The following FAM117B variants were observed in gnomAD, a reference collection of about 807,000 sequenced individuals.
FAM117B encodes family with sequence similarity 117 member B.
Under a neutral mutation model 52.8 loss-of-function variants are expected in FAM117B, and 22 were observed. The ratio of observed to expected loss-of-function variants is 0.42; its 90% CI spans 0.30 to 0.59. FAM117B has a LOEUF of 0.59. Ranked by LOEUF, FAM117B falls within the 20% of genes least tolerant of loss-of-function variation. The probability of loss-of-function intolerance (pLI) is 0.22; values close to 1 mark genes in which losing one functional copy is unlikely to be tolerated. For missense variants in FAM117B, 678 were observed against 802.6 expected, an observed-to-expected ratio of 0.84 and a Z score of 1.88; for synonymous variants, 309 against 324.1, an observed-to-expected ratio of 0.95 and a Z score of 0.50.
intron 4 of FAM117B, among the ~76,000 whole-genome samples, chr2:202,738,626 G>C (rs867540000): frequency 1.7e-4 from 26 of 152,130 alleles, no homozygotes; most frequent in African/African-American, 6.0e-4. Context: ...TCACTGTATA[G>C]GGATAACTTT....
At chr2:202,727,573 A>G (rs188756808) in intron 4 of FAM117B, among the ~76,000 whole-genome samples, 3 of 152,302 alleles carry the variant, frequency 2.0e-5, no homozygotes, top group East Asian at 1.9e-4. Flanking sequence ...AACTATTTAC[A>G]TAGTATTTAC....
chr2:202,646,613 A>G (rs1165328403), intron 1 of FAM117B, among the ~76,000 whole-genome samples: 1 of 152,120 alleles, frequency 6.6e-6, no homozygotes, highest in Non-Finnish European at 1.5e-5. Context: ...GAACCCAGGC[A>G]TTTGTCACCA....
chr2:202,681,297 T>C (rs917393140), intron 1 of FAM117B, among the ~76,000 whole-genome samples: 10 of 152,104 alleles, frequency 6.6e-5, no homozygotes. Context: ...AGCAAGATGA[T>C]AGGTTGGTAT....
chr2:202,741,028 G>A (rs1691526066), intron 4 of FAM117B, among the ~76,000 whole-genome samples: 1 of 152,118 alleles, frequency 6.6e-6, no homozygotes, highest in Non-Finnish European at 1.5e-5. Context: ...ACTAGGATGA[G>A]GAACAAGGCA....
At chr2:202,660,957 A>C (rs1690118942) in intron 1 of FAM117B, among the ~76,000 whole-genome samples, 1 of 152,230 alleles carries the variant, frequency 6.6e-6, no homozygotes, top group Non-Finnish European at 1.5e-5. Flanking sequence ...GATTCCACCC[A>C]TAGCCTTCAT....
At position 202,757,280 on chromosome 2, in the gene FAM117B, G is replaced by A. The variant is rs746181808; in HGVS notation, c.1172G>A (p.Ser391Asn). The change falls in exon 6 of 8, where the codon AGC becomes AAC. Residue 391 changes from serine to asparagine, a missense_variant. Ser to Asn is a conservative substitution (Grantham distance 46). Coordinates refer to ENST00000392238, the MANE Select transcript of FAM117B (RefSeq NM_173511.4). Reference protein sequence around the residue: ...PLVQRSSSTRSIDTQTPGGAD... With the variant: ...PLVQRSSSTRNIDTQTPGGAD... ...GTACAGAGAAGTAGCAGCACGCGCA[G>A]CATTGACACACAGACGCCTGGTGGG... The A allele has an allele frequency of 3.7e-5, 60 of 1,613,996 alleles. No homozygotes were observed. In the East Asian group the frequency reaches 1.3e-3, roughly 34 times the overall value.
At position 202,729,831 on chromosome 2, in the gene FAM117B, T is replaced by C. The variant is rs181659686; in HGVS notation, c.960+3468T>C. ...TAGCAGCCAAACCTGAAAGTCTCCA[T>C]GTTCACTTATTAAGACATTTAGACT... is the stretch of plus-strand genomic sequence containing the variant. On this transcript the variant is annotated intron_variant, in intron 4 of 7. Transcript: ENST00000392238. Among the ~76,000 whole-genome samples the C allele has an allele frequency of 4.2e-4, 64 of 152,308 alleles. No individual in the cohort carries two copies. In the Middle Eastern group the frequency reaches 0.014, roughly 32 times the overall value.
chr2:202,667,900 T>C (rs1000403908), intron 1 of FAM117B, among the ~76,000 whole-genome samples: 1 of 151,548 alleles, frequency 6.6e-6, no homozygotes. Context: ...GTGATAATAG[T>C]GAGGATAGTA....
intron 1 of FAM117B, among the ~76,000 whole-genome samples, chr2:202,689,548 C>G (rs780737668): frequency 4.6e-5 from 7 of 152,158 alleles, no homozygotes; most frequent in Non-Finnish European, 8.8e-5. Flanking sequence ...AAAAATTTCT[C>G]TCCTTTCTGA....
chr2:202,635,674 G>T lies in FAM117B; in HGVS notation c.487G>T (p.Gly163Cys). 1 of 1,396,098 alleles carries T rather than the reference G, an allele frequency of 7.2e-7. No homozygotes were observed. Among genetic ancestry groups the T allele is most frequent in the South Asian group, 1.5e-5 (1 of 66,928 alleles). The allele number at this position is 1,396,098 out of a possible 1,614,324, so 86.5% of individuals were successfully genotyped here. A position where few individuals can be genotyped will look rare whatever the true frequency, so the allele number is the denominator to read the frequency against. Residue 163 changes from glycine (G) to cysteine (C), a missense_variant, in exon 1 of 8, where the codon GGC (glycine) becomes TGC (cysteine). By Grantham distance (159) the Gly-to-Cys change is radical. Transcript: ENST00000392238. ...CTCGTCGCCCACCCACCTGTGGACC[G>T]GCGAGGTGAGCGCGGCCCCACCCCC... The part of the protein sequence containing the change: ...PSSSPTHLWT[G>C]EVSAAPPPAR...
chr2:202,765,990 C>A lies in FAM117B; in HGVS notation c.*226C>A, dbSNP rs1381723803. The A allele has an allele frequency of 5.6e-6, 3 of 531,204 alleles. No individual in the cohort carries two copies. The highest frequency in any genetic ancestry group is 6.7e-5 in the Admixed American group (2 of 29,952). 32.9% of individuals were successfully genotyped at this position (531,204 alleles called of 1,614,324 possible). A position where few individuals can be genotyped will look rare whatever the true frequency, so the allele number is the denominator to read the frequency against. On this transcript the variant is annotated 3_prime_UTR_variant, in exon 8 of 8. Transcript: ENST00000392238. ...CTTTTTATCAAAGCACTGATTGAAA[C>A]AAGAAAGGTCTCATTCTTTACCTTT...
At chr2:202,721,613 A>G (rs759476863) in intron 2 of FAM117B, among the ~76,000 whole-genome samples, 2 of 152,076 alleles carry the variant, frequency 1.3e-5, no homozygotes, top group African/African-American at 4.8e-5. Flanking sequence ...TAATTACCTT[A>G]TAATTTTAGT....
chr2:202,679,465 A>G (rs950987858), intron 1 of FAM117B, among the ~76,000 whole-genome samples: 2 of 152,236 alleles, frequency 1.3e-5, no homozygotes, highest in South Asian at 2.1e-4. Context: ...CTGAAGGAAT[A>G]TATAGAATGT....
At position 202,726,232 on chromosome 2, in the gene FAM117B, C is replaced by T. The variant is rs775779695; in HGVS notation, c.847-18C>T. 3.4e-5 allele frequency: 54 copies of T among 1,575,010 alleles called. No individual in the cohort carries two copies. The highest frequency in any genetic ancestry group is 4.4e-5 in the Non-Finnish European group (51 of 1,146,142). The stretch of plus-strand genomic sequence containing the variant: ...TGTAGAAAACACTCTGGTGTACTTG[C>T]TATTTTTGCTTTCTCAGATTGCAAA... On this transcript the variant is annotated intron_variant, in intron 3 of 7. Coordinates refer to ENST00000392238, the MANE Select transcript of FAM117B (RefSeq NM_173511.4).
intron 4 of FAM117B, among the ~76,000 whole-genome samples, chr2:202,736,358 A>AGTG (rs1691437224): frequency 1.3e-5 from 2 of 152,048 alleles, no homozygotes; most frequent in Admixed American, 6.5e-5. Flanking sequence ...ATGAAGTAAC[A>AGTG]GTGACAGGAT....
chr2:202,684,992 T>A (rs577559941), intron 1 of FAM117B, among the ~76,000 whole-genome samples: 5 of 150,796 alleles, frequency 3.3e-5, no homozygotes, highest in African/African-American at 1.2e-4. Context: ...CAAAAAAAAT[T>A]TTTTTTTTTT....
intron 4 of FAM117B, among the ~76,000 whole-genome samples, chr2:202,729,095 T>TG (rs1691300649): frequency 6.6e-6 from 1 of 152,218 alleles, no homozygotes; most frequent in Admixed American, 6.5e-5. Context: ...CCCAGCATTT[T>TG]GGAAGGCTAA....
chr2:202,761,575 G>A (rs1691890293), intron 7 of FAM117B, among the ~76,000 whole-genome samples: 3 of 152,192 alleles, frequency 2.0e-5, no homozygotes, highest in Middle Eastern at 3.4e-3. Flanking sequence ...CACCCAGGCT[G>A]GAGTGCAATG....
intron 1 of FAM117B, among the ~76,000 whole-genome samples, chr2:202,675,637 G>A (rs1310505273): frequency 2.0e-5 from 3 of 151,922 alleles, no homozygotes; most frequent in African/African-American, 7.3e-5. Context: ...CATGCCCTGT[G>A]TAATACCCTC....
Sources: gnomAD v4.1 joint callset for allele counts (sites outside exome capture counted in the v4.1 genomes callset) on GRCh38, gnomAD v4.1.1 for gene constraint, MANE v1.5 for transcripts, NCBI Gene and HGNC (gene_info 2026-07-23, HGNC 2026-07-21) for gene names.